Variants in ADCY5 observed in about 807,000 individuals in gnomAD.
ADCY5 encodes adenylate cyclase type 5.
ADCY5 carries 30 observed loss-of-function variants against 119.7 expected under a neutral mutation model. That is an observed-to-expected ratio of 0.25 (90% CI 0.19 to 0.34). ADCY5 has a LOEUF of 0.34. Ranked by LOEUF, ADCY5 falls within the 10% of genes least tolerant of loss-of-function variation. The pLI is 1.00. For missense variants in ADCY5, 1,324 were observed against 1,775.2 expected (o/e 0.75, Z 4.57); for synonymous variants, 753 against 762.2 (o/e 0.99, Z 0.20).
At chr3:123,373,724 C>T (rs1351144496) in intron 1 of ADCY5, among the ~76,000 whole-genome samples, 1 of 147,120 alleles carries the variant, frequency 6.8e-6, no homozygotes, top group Non-Finnish European at 1.5e-5. Flanking sequence ...ACTTGCTGAG[C>T]TGTGGAATTT....
At chr3:123,295,959 G>A in intron 17 of ADCY5, 125 bp downstream of exon 17, 1 of 1,414,326 alleles carries the variant, frequency 7.1e-7, no homozygotes, top group East Asian at 2.4e-5. Context: ...GATGGGGCCT[G>A]AGCAAGACAG....
At chr3:123,296,424 C>G (rs1024085084) in intron 16 of ADCY5, among the ~76,000 whole-genome samples, 1 of 152,306 alleles carries the variant, frequency 6.6e-6, no homozygotes, top group South Asian at 2.1e-4. Context: ...CCTGCTTGCA[C>G]CTGCAGCTCA....
Position 123,448,776 on chromosome 3 carries a change from C to T in ADCY5, c.-231G>A, listed in dbSNP as rs1407342401. 3 of 397,662 alleles carry T rather than the reference C, an allele frequency of 7.5e-6. No homozygotes were observed. Among genetic ancestry groups the T allele is most frequent in the African/African-American group, 4.1e-5 (2 of 48,528 alleles). The allele number at this position is 397,662 out of a possible 1,614,324, so 24.6% of individuals were successfully genotyped here. A position where few individuals can be genotyped will look rare whatever the true frequency, so the allele number is the denominator to read the frequency against. On this transcript the variant is annotated 5_prime_UTR_variant, in exon 1 of 21. Transcript: ENST00000462833. ...GGATCCGCGTCAGAAGTCCCAGGTC[C>T]GAAATGGAGTTGCCTCCGAGGTGGG...
rs533690536 is a variant in ADCY5 at position 123,314,857 on chromosome 3, G to A, written c.2355-535C>T. Among the ~76,000 whole-genome samples, 10 of 152,194 alleles carry A rather than the reference G, an allele frequency of 6.6e-5. No individual in the cohort carries two copies. The East Asian group carries it at 1.5e-3, about 24-fold the overall frequency. On this transcript the variant is annotated intron_variant, in intron 11 of 20. Coordinates refer to ENST00000462833, the MANE Select transcript of ADCY5 (RefSeq NM_183357.3). Reference sequence around the variant, plus strand: ...AGAAACAAGGGTGGCTGTCTCTTTAGAAGGGCAGAATCTCTAAGCGCCACC... The same window carrying A: ...AGAAACAAGGGTGGCTGTCTCTTTAAAAGGGCAGAATCTCTAAGCGCCACC...
chr3:123,441,092 A>G lies in ADCY5; in HGVS notation c.1134+6320T>C, dbSNP rs530387082. On this transcript the variant is annotated intron_variant, in intron 1 of 20. Transcript: ENST00000462833. ...CTGTTGCAAGACACTGACCCACAGA[A>G]TTCCAGGCTTAGGTGTAACCTGAGC... Among the ~76,000 whole-genome samples, 4 of 152,304 alleles carry G rather than the reference A, an allele frequency of 2.6e-5. No individual in the cohort carries two copies. In the South Asian group the frequency reaches 8.3e-4, roughly 32 times the overall value.
chr3:123,293,898 G>A (rs1939330064), intron 17 of ADCY5, among the ~76,000 whole-genome samples: 1 of 152,198 alleles, frequency 6.6e-6, no homozygotes, highest in Admixed American at 6.5e-5. Flanking sequence ...CTAAGAATGA[G>A]GGAGGGCTCT....
rs145603584 is a variant in ADCY5, at chr3:123,385,402, G to A, written c.1135-32821C>T. The stretch of plus-strand genomic sequence containing the variant: ...GATGGAGAAAGGAGAGGGAGGGAAC[G>A]TTAATAGAGCCAAAGTGCTTATTTT... On this transcript the variant is annotated intron_variant, in intron 1 of 20. Transcript: ENST00000462833. Among the ~76,000 whole-genome samples, 28 of 152,306 alleles carry A rather than the reference G, an allele frequency of 1.8e-4. 1 individual carries two copies. In the East Asian group the frequency reaches 4.6e-3, roughly 25 times the overall value.
chr3:123,412,834 G>C (rs1237080681), intron 1 of ADCY5, among the ~76,000 whole-genome samples: 1 of 151,062 alleles, frequency 6.6e-6, no homozygotes, highest in Non-Finnish European at 1.5e-5. Flanking sequence ...AAAAAAGGCA[G>C]TCATGGTTAT....
intron 1 of ADCY5, among the ~76,000 whole-genome samples, chr3:123,421,841 G>C (rs1414880176): frequency 2.6e-5 from 4 of 152,202 alleles, no homozygotes; most frequent in African/African-American, 9.7e-5. Flanking sequence ...CTGTGGGAGA[G>C]AGAGTTGAGC....
intron 1 of ADCY5, among the ~76,000 whole-genome samples, chr3:123,423,136 G>C (rs1203099914): frequency 6.6e-6 from 1 of 152,114 alleles, no homozygotes; most frequent in Non-Finnish European, 1.5e-5. Context: ...CCTCACTCTT[G>C]AGCCCACCAA....
At chr3:123,338,228 A>G (rs1411666498) in intron 3 of ADCY5, among the ~76,000 whole-genome samples, 1 of 152,166 alleles carries the variant, frequency 6.6e-6, no homozygotes, top group Admixed American at 6.5e-5. Flanking sequence ...GGAAAGAGCC[A>G]CTCAAAGCAA....
intron 1 of ADCY5, among the ~76,000 whole-genome samples, chr3:123,433,144 T>C (rs1013473896): frequency 1.3e-5 from 2 of 152,168 alleles, no homozygotes; most frequent in Non-Finnish European, 2.9e-5. Context: ...GCATAAGTGC[T>C]ACAGAGAAAA....
chr3:123,332,734 A>C, intron 3 of ADCY5, 59 bp from the exon 4 acceptor site: 1 of 1,102,578 alleles, frequency 9.1e-7, no homozygotes, highest in Non-Finnish European at 1.4e-6. Flanking sequence ...TGTCTCCCAA[A>C]TTCATACATT....
Position 123,377,929 on chromosome 3 carries a change from C to CAAAA in ADCY5, c.1135-25352_1135-25349dup, listed in dbSNP as rs10662985. Among the ~76,000 whole-genome samples the CAAAA allele has an allele frequency of 3.1e-4, 26 of 84,458 alleles. 1 individual carries two copies. Among genetic ancestry groups the CAAAA allele is most frequent in the East Asian group, 1.8e-3 (5 of 2,744 alleles). The allele number at this position is 84,458 out of a possible 152,430, so 55.4% of individuals were successfully genotyped here. A position where few individuals can be genotyped will look rare whatever the true frequency, so the allele number is the denominator to read the frequency against. On this transcript the variant is annotated intron_variant, in intron 1 of 20. Coordinates refer to ENST00000462833, the MANE Select transcript of ADCY5 (RefSeq NM_183357.3). ...TGGGCGAGAGTGCAAGACTCCATCT[C>CAAAA]AAAAAAAAAAAAAAAAAAACTCAAA... is the stretch of plus-strand genomic sequence containing the variant.
intron 12 of ADCY5, among the ~76,000 whole-genome samples, chr3:123,306,785 T>C (rs2108281847): frequency 6.6e-6 from 1 of 152,336 alleles, no homozygotes; most frequent in Admixed American, 6.5e-5. Context: ...CACAGATAAT[T>C]TGTACGCCCA....
At chr3:123,321,125 T>G (rs1445096151) in intron 8 of ADCY5, among the ~76,000 whole-genome samples, 2 of 152,144 alleles carry the variant, frequency 1.3e-5, no homozygotes, top group Non-Finnish European at 2.9e-5. Context: ...CTCTCAATCC[T>G]GCCTCTTACT....
chr3:123,308,556 G>T (rs570237847), intron 12 of ADCY5, among the ~76,000 whole-genome samples: 196 of 152,094 alleles, frequency 1.3e-3, no homozygotes, highest in African/African-American at 4.4e-3. Flanking sequence ...TTGGCCACGC[G>T]CAGTGGCTCA....
At chr3:123,447,268 C>T in intron 1 of ADCY5, 144 bp downstream of exon 1, 1 of 941,502 alleles carries the variant, frequency 1.1e-6, no homozygotes, top group Non-Finnish European at 1.5e-6. Context: ...GGGTAAGAAG[C>T]TCCCAAATAG....
chr3:123,416,106 G>T, intron 1 of ADCY5: 1 of 1,497,518 alleles, frequency 6.7e-7, no homozygotes, highest in Non-Finnish European at 9.0e-7. Flanking sequence ...GTCCAAGAAG[G>T]TGGAAGGGCA....
Sources: gnomAD v4.1 joint callset for allele counts (sites outside exome capture counted in the v4.1 genomes callset) on GRCh38, gnomAD v4.1.1 for gene constraint, MANE v1.5 for transcripts, NCBI Gene and HGNC (gene_info 2026-07-23, HGNC 2026-07-21) for gene names.